The following AHRR variants were observed in gnomAD, a reference collection of about 807,000 sequenced individuals.
The protein encoded by AHRR is ahR repressor.
In AHRR, 28 loss-of-function variants were observed where a neutral mutation model predicts 44.0. The ratio of observed to expected loss-of-function variants is 0.64; its 90% confidence interval spans 0.47 to 0.87. AHRR has a LOEUF of 0.87. Among genes scored for constraint, AHRR ranks in the 40% least tolerant of loss-of-function variants. AHRR has a pLI of 0.00. For synonymous variants in AHRR, 434 were observed against 407.0 expected (o/e 1.07, Z -0.80); for missense variants, 990 against 953.9 (o/e 1.04, Z -0.50).
chr5:384,308 A>G (rs1734089416), intron 4 of AHRR, among the ~76,000 whole-genome samples: 1 of 152,220 alleles, frequency 6.6e-6, no homozygotes, highest in Non-Finnish European at 1.5e-5. Context: ...CTACTTTACA[A>G]AGTTGAAATT....
chr5:376,097 G>A (rs1450672967), intron 3 of AHRR, among the ~76,000 whole-genome samples: 3 of 152,204 alleles, frequency 2.0e-5, no homozygotes, highest in African/African-American at 7.2e-5. Context: ...AGGAGGGAGA[G>A]GCGATGCGGG....
At chr5:328,344 T>G (rs1460586798) in intron 1 of AHRR, among the ~76,000 whole-genome samples, 1 of 134,942 alleles carries the variant, frequency 7.4e-6, no homozygotes, top group African/African-American at 2.7e-5. Context: ...CTCAGCTCAC[T>G]GCAACCTCTG....
Position 423,969 on chromosome 5 carries a change from G to A in AHRR, c.700G>A (p.Gly234Ser), listed in dbSNP as rs939891417. The change falls in exon 7 of 11, where the codon GGC becomes AGC. Residue 234 changes from glycine (G) to serine (S), a missense_variant. Transcript: ENST00000684583. Reference sequence around the variant, plus strand: ...GCGCTGCCTGCTGGACAGCACCTCGGGCTTCCTGGTGAGTGCGTGGGTCCC... The same window carrying A: ...GCGCTGCCTGCTGGACAGCACCTCGAGCTTCCTGGTGAGTGCGTGGGTCCC... Reference protein sequence around the residue: ...RVRCLLDSTSGFLTMQFQGKL... With the variant: ...RVRCLLDSTSSFLTMQFQGKL... The A allele has an allele frequency of 3.1e-6, 5 of 1,599,576 alleles. No individual in the cohort carries two copies. The highest frequency in any genetic ancestry group is 4.2e-6 in the Non-Finnish European group (5 of 1,179,376).
At chr5:376,552 A>ATGTGAACCGTGGGGTGAACGCGGG in intron 3 of AHRR, 58 bp from the exon 4 acceptor site, 1 of 1,409,244 alleles carries the variant, frequency 7.1e-7, no homozygotes, top group South Asian at 1.4e-5. Context: ...ATGTGAATGA[A>ATGTGAACCGTGGGGTGAACGCGGG]GAAGAGTGGC....
Position 422,872 on chromosome 5 carries a change from G to A in AHRR, c.571+14G>A, listed in dbSNP as rs1230331633. ...CCTTGGAGACAGGTGGGTGTCTGGG[G>A]TCCAAGTGAGTCAGCAAAACCTAAA... is the stretch of plus-strand genomic sequence containing the variant. On this transcript the variant is annotated intron_variant, in intron 6 of 10. Transcript: ENST00000684583. 1.9e-6 allele frequency: 3 copies of A among 1,601,720 alleles called. No homozygotes were observed. The highest frequency in any genetic ancestry group is 2.6e-6 in the Non-Finnish European group (3 of 1,173,856).
At chr5:339,392 A>G (rs1323651103) in intron 1 of AHRR, among the ~76,000 whole-genome samples, 1 of 152,206 alleles carries the variant, frequency 6.6e-6, no homozygotes, top group Non-Finnish European at 1.5e-5. Flanking sequence ...AAGTGCTGGG[A>G]TTATAGGTGT....
intron 4 of AHRR, among the ~76,000 whole-genome samples, chr5:390,097 C>T (rs1281984768): frequency 4.6e-5 from 7 of 152,082 alleles, no homozygotes. Context: ...AGGACAGAAA[C>T]ACACGGAATG....
At chr5:350,322 A>G (rs1488132798) in intron 2 of AHRR, among the ~76,000 whole-genome samples, 1 of 152,170 alleles carries the variant, frequency 6.6e-6, no homozygotes, top group South Asian at 2.1e-4. Flanking sequence ...AGGTTTGTTC[A>G]CAGGCATTGC....
chr5:353,806 C>G lies in AHRR; in HGVS notation c.139C>G (p.Leu47Val), dbSNP rs1310780486. Residue 47 changes from leucine to valine, a missense_variant, in exon 3 of 11, where the codon CTG becomes GTG. Leu to Val is a conservative substitution (Grantham distance 32, BLOSUM62 1). Coordinates refer to ENST00000684583, the MANE Select transcript of AHRR (RefSeq NM_001377236.1). ...RDRLNAELDHLASLLPFPPDI... is the reference protein window; with the variant it reads ...RDRLNAELDHVASLLPFPPDI... ...CCGCCTCAACGCCGAGTTGGACCAC[C>G]TGGCCAGCCTGCTGCCGTTCCCGCC... 6.2e-7 allele frequency: 1 copy of G among 1,614,054 alleles called. No individual in the cohort carries two copies.
chr5:376,417 C>A (rs986552299), intron 3 of AHRR, among the ~76,000 whole-genome samples, 193 bp from the exon 4 acceptor site: 1 of 59,394 alleles, frequency 1.7e-5, no homozygotes, highest in Non-Finnish European at 5.6e-5. Flanking sequence ...TGTGTCTCAG[C>A]TCCTCCTGCC....
In AHRR at chr5:411,962, G is replaced by C. The variant is rs1457458210; in HGVS notation, c.352-1382G>C. 1.3e-5 allele frequency among the ~76,000 whole-genome samples: 2 copies of C among 152,232 alleles called. No homozygotes were observed. Among genetic ancestry groups the C allele is most frequent in the Non-Finnish European group, 2.9e-5 (2 of 68,042 alleles). ...AGCGTCAGTGGCCATTGCTGCCATGGACAGATCCTGCGACTCAGAGGCCAC... is the reference window on the plus strand; with the variant it reads ...AGCGTCAGTGGCCATTGCTGCCATGCACAGATCCTGCGACTCAGAGGCCAC... On this transcript the variant is annotated intron_variant, in intron 4 of 10. Coordinates refer to ENST00000684583, the MANE Select transcript of AHRR (RefSeq NM_001377236.1). The surrounding 1 kb of genome is among the most constrained non-coding windows in gnomAD (Gnocchi z 4.2).
intron 5 of AHRR, among the ~76,000 whole-genome samples, chr5:418,027 C>G (rs1325873255): frequency 6.6e-6 from 1 of 152,190 alleles, no homozygotes; most frequent in African/African-American, 2.4e-5. Context: ...TGTTCGTTCT[C>G]TCAAAGATTA....
chr5:336,297 C>T (rs1742120814), intron 1 of AHRR, among the ~76,000 whole-genome samples: 1 of 152,200 alleles, frequency 6.6e-6, no homozygotes, highest in Admixed American at 6.5e-5. Context: ...ACACATCCTG[C>T]CTGTTTTCCT....
At chr5:330,354 G>T (rs182379339) in intron 1 of AHRR, among the ~76,000 whole-genome samples, 250 of 152,178 alleles carry the variant, frequency 1.6e-3, no homozygotes, top group Non-Finnish European at 2.9e-3. Flanking sequence ...ATGGGCTGTT[G>T]GATTCAGTTA....
intron 1 of AHRR, among the ~76,000 whole-genome samples, chr5:332,430 G>A (rs1741957179): frequency 6.6e-6 from 1 of 151,980 alleles, no homozygotes; most frequent in Non-Finnish European, 1.5e-5. Flanking sequence ...ACCATGCCCA[G>A]CTAATTTTTG....
At chr5:424,112 C>T in intron 7 of AHRR, 135 bp downstream of exon 7, 4 of 1,319,884 alleles carry the variant, frequency 3.0e-6, no homozygotes, top group Non-Finnish European at 3.1e-6. Context: ...GGGGCCGGTG[C>T]TGAGCTCTGT....
intron 7 of AHRR, chr5:427,578 A>T (rs1245171501): frequency 6.3e-7 from 1 of 1,598,846 alleles, no homozygotes; most frequent in South Asian, 1.1e-5. Flanking sequence ...GCGGCTCCAG[A>T]GAAACTGGGA....
At chr5:333,048 C>T (rs924338407) in intron 1 of AHRR, among the ~76,000 whole-genome samples, 1 of 151,616 alleles carries the variant, frequency 6.6e-6, no homozygotes, top group Non-Finnish European at 1.5e-5. Context: ...CCACCCCACC[C>T]CCCGCCTTTA....
intron 4 of AHRR, among the ~76,000 whole-genome samples, chr5:384,826 T>C (rs1447981663): frequency 6.6e-6 from 1 of 152,218 alleles, no homozygotes; most frequent in Admixed American, 6.5e-5. Context: ...GGTTTTGCAT[T>C]TCCCTGTGGT....
Sources: allele counts gnomAD v4.1 joint callset (sites outside exome capture counted in the v4.1 genomes callset), GRCh38; gene constraint gnomAD v4.1.1; non-coding constraint Gnocchi (gnomAD v3.1); transcripts MANE v1.5; gene names NCBI Gene and HGNC (gene_info 2026-07-23, HGNC 2026-07-21).